Variants in BCAS3 observed in about 807,000 individuals in gnomAD.
BCAS3 encodes BCAS4/BCAS3 fusion.
In BCAS3, 53 loss-of-function variants were observed where a neutral mutation model predicts 116.1. The ratio of observed to expected loss-of-function variants is 0.46; its 90% CI spans 0.37 to 0.57. The LOEUF (loss-of-function observed/expected upper bound fraction) is 0.57. BCAS3 is among the 20% of genes least tolerant of loss of function. The pLI, the probability that BCAS3 is intolerant of heterozygous loss-of-function variation, is 0.00. For synonymous variants in BCAS3, 391 were observed against 408.2 expected (o/e 0.96, Z 0.51); for missense variants, 917 against 1,165.4 (o/e 0.79, Z 3.10).
chr17:60,743,843 C>A (rs542113408), intron 5 of BCAS3, among the ~76,000 whole-genome samples: 1 of 152,104 alleles, frequency 6.6e-6, no homozygotes, highest in Non-Finnish European at 1.5e-5. Flanking sequence ...TGCCTTAGAT[C>A]GAGTTGTGAG....
At chr17:61,086,559 A>T (rs987809865) in intron 22 of BCAS3, 1 of 406,188 alleles carries the variant, frequency 2.5e-6, no homozygotes. Context: ...CTGATATGTA[A>T]GTAGTCCTAA....
intron 22 of BCAS3, among the ~76,000 whole-genome samples, chr17:61,236,096 G>T (rs2083036038): frequency 6.6e-6 from 1 of 152,120 alleles, no homozygotes; most frequent in Admixed American, 6.5e-5. Context: ...TAAAACCAGA[G>T]ATTTTTATCT....
rs1210945388 is a variant in BCAS3 at position 61,251,149 on chromosome 17, A to G, written c.2426-117178A>G. 6.6e-6 allele frequency among the ~76,000 whole-genome samples: 1 copy of G among 152,224 alleles called. No homozygotes were observed. Among genetic ancestry groups the G allele is most frequent in the African/African-American group, 2.4e-5 (1 of 41,456 alleles). Reference sequence around the variant, plus strand: ...TGCAAGAATTGGGCAGTGCTTGCCCAGCTGGAAGGTGAGACATTGGAGGCC... The same window carrying G: ...TGCAAGAATTGGGCAGTGCTTGCCCGGCTGGAAGGTGAGACATTGGAGGCC... On this transcript the variant is annotated intron_variant, in intron 22 of 23. Transcript: ENST00000407086. This position sits in a 1 kb window ranked among gnomAD's most constrained non-coding sequence, Gnocchi z 4.7.
At position 61,019,763 on chromosome 17, in the gene BCAS3, A is replaced by G. The variant is rs534730081; in HGVS notation, c.1637+3862A>G. 2.6e-4 allele frequency among the ~76,000 whole-genome samples: 40 copies of G among 152,128 alleles called. No individual in the cohort carries two copies. Among genetic ancestry groups the G allele is most frequent in the Admixed American group, 1.3e-4 (2 of 15,282 alleles). ...CCATTAATTATTGGCATTAAATTGT[A>G]TTGTATTTGCTGAGAAATCTGATGG... On this transcript the variant is annotated intron_variant, in intron 16 of 23. Coordinates refer to ENST00000407086, the MANE Select transcript of BCAS3 (RefSeq NM_017679.5). The surrounding 1 kb of genome is among the most constrained non-coding windows in gnomAD (Gnocchi z 5.6).
At chr17:60,761,119 T>C (rs2043483942) in intron 6 of BCAS3, among the ~76,000 whole-genome samples, 1 of 152,194 alleles carries the variant, frequency 6.6e-6, no homozygotes, top group African/African-American at 2.4e-5. Context: ...CTGAATTGTT[T>C]TTCTGATTTT....
At chr17:61,218,425 G>T (rs2081928736) in intron 22 of BCAS3, among the ~76,000 whole-genome samples, 1 of 152,208 alleles carries the variant, frequency 6.6e-6, no homozygotes, top group African/African-American at 2.4e-5. Flanking sequence ...CGTACATGCT[G>T]TTGGCATCAG....
intron 10 of BCAS3, among the ~76,000 whole-genome samples, chr17:60,890,393 G>A (rs900086377): frequency 6.6e-6 from 1 of 152,138 alleles, no homozygotes; most frequent in Middle Eastern, 3.2e-3. Context: ...AGTGGAGGTT[G>A]TGGTGAGCTG....
intron 7 of BCAS3, among the ~76,000 whole-genome samples, chr17:60,814,741 TA>T (rs1287687501): frequency 6.6e-6 from 1 of 152,232 alleles, no homozygotes; most frequent in Non-Finnish European, 1.5e-5. Context: ...AATTTTATTT[TA>T]GTATTTTTTT....
At chr17:61,010,250 G>A (rs559641551) in intron 15 of BCAS3, among the ~76,000 whole-genome samples, 7 of 151,722 alleles carry the variant, frequency 4.6e-5, no homozygotes, top group South Asian at 2.1e-4. Context: ...TGTTTTTATA[G>A]TATAGAATGT....
rs181751881 is a variant in BCAS3 at position 61,349,662 on chromosome 17, T to C, written c.2426-18665T>C. ...GTTTCAAAGCTGACTATTAAAGAAG[T>C]GTGGAAGAGGTACCATATGTAGACA... On this transcript the variant is annotated intron_variant, in intron 22 of 23. Coordinates refer to ENST00000407086, the MANE Select transcript of BCAS3 (RefSeq NM_017679.5). This position sits in a 1 kb window ranked among gnomAD's most constrained non-coding sequence, Gnocchi z 4.7. 1.8e-4 allele frequency among the ~76,000 whole-genome samples: 27 copies of C among 152,294 alleles called. No homozygotes were observed. The East Asian group carries it at 4.8e-3, about 27-fold the overall frequency.
intron 22 of BCAS3, among the ~76,000 whole-genome samples, chr17:61,238,309 G>A (rs1378662503): frequency 6.7e-6 from 1 of 149,282 alleles, no homozygotes; most frequent in Non-Finnish European, 1.5e-5. Flanking sequence ...TGCAACCTCC[G>A]CCTTCCAGTT....
rs541667269 is a variant in BCAS3 at position 61,323,006 on chromosome 17, G to A, written c.2426-45321G>A. Among the ~76,000 whole-genome samples the A allele has an allele frequency of 5.1e-4, 78 of 151,932 alleles. No individual in the cohort carries two copies. Among genetic ancestry groups the A allele is most frequent in the African/African-American group, 1.5e-3 (64 of 41,406 alleles). On this transcript the variant is annotated intron_variant, in intron 22 of 23. Transcript: ENST00000407086. The surrounding 1 kb of genome is among the most constrained non-coding windows in gnomAD (Gnocchi z 4.6). ...GGCGCCTTCCTTTTTTTTTAAAGGC[G>A]TGTTGTGGCTATTTTGATGCCTTTT...
intron 22 of BCAS3, among the ~76,000 whole-genome samples, chr17:61,115,967 C>G (rs2075406381): frequency 6.6e-6 from 1 of 151,046 alleles, no homozygotes; most frequent in Non-Finnish European, 1.5e-5. Flanking sequence ...TGGAAATCAT[C>G]ATTCTCAGTA....
chr17:61,258,330 G>C lies in BCAS3; in HGVS notation c.2426-109997G>C, dbSNP rs1055641091. On this transcript the variant is annotated intron_variant, in intron 22 of 23. Transcript: ENST00000407086. This position sits in a 1 kb window ranked among gnomAD's most constrained non-coding sequence, Gnocchi z 4.7. ...CATTGTGGAAAGGGGTTGTTACTTC[G>C]TGCCTTTAGATATCCACCATAATGT... Among the ~76,000 whole-genome samples, 1 of 152,060 alleles carries C rather than the reference G, an allele frequency of 6.6e-6. No homozygotes were observed. Among genetic ancestry groups the C allele is most frequent in the African/African-American group, 2.4e-5 (1 of 41,386 alleles).
At chr17:61,099,030 A>G (rs2074151606) in intron 22 of BCAS3, among the ~76,000 whole-genome samples, 1 of 152,182 alleles carries the variant, frequency 6.6e-6, no homozygotes, top group Non-Finnish European at 1.5e-5. Context: ...AGGCTGAGGC[A>G]GGAGAATGTC....
chr17:61,372,524 C>T (rs183076973), intron 23 of BCAS3, among the ~76,000 whole-genome samples: 16 of 152,314 alleles, frequency 1.1e-4, no homozygotes, highest in East Asian at 9.6e-4. Context: ...CACATGTCTA[C>T]GAACTGAATT....
chr17:60,718,410 TA>T (rs2038880201), intron 5 of BCAS3, among the ~76,000 whole-genome samples: 1 of 152,136 alleles, frequency 6.6e-6, no homozygotes, highest in Non-Finnish European at 1.5e-5. Context: ...TGCATGCATA[TA>T]ATTAACTAGA....
chr17:61,300,539 G>A lies in BCAS3; in HGVS notation c.2426-67788G>A, dbSNP rs1242822663. Among the ~76,000 whole-genome samples the A allele has an allele frequency of 1.3e-5, 2 of 152,094 alleles. No individual in the cohort carries two copies. Among genetic ancestry groups the A allele is most frequent in the African/African-American group, 2.4e-5 (1 of 41,404 alleles). On this transcript the variant is annotated intron_variant, in intron 22 of 23. Transcript: ENST00000407086. This position sits in a 1 kb window ranked among gnomAD's most constrained non-coding sequence, Gnocchi z 5.1. ...TAGAAAAAATGTATGGCATCTTGAC[G>A]CAGTGTTCCTGGCCAAAAAAGAAAA...
At chr17:60,846,074 A>G (rs1481807873) in intron 7 of BCAS3, among the ~76,000 whole-genome samples, 1 of 151,852 alleles carries the variant, frequency 6.6e-6, no homozygotes, top group Admixed American at 6.6e-5. Flanking sequence ...GACCGTAGAC[A>G]TGTACCACCA....
Sources: gnomAD v4.1 joint callset for allele counts (sites outside exome capture counted in the v4.1 genomes callset) on GRCh38, gnomAD v4.1.1 for gene constraint, Gnocchi (gnomAD v3.1) non-coding constraint, MANE v1.5 for transcripts, NCBI Gene and HGNC (gene_info 2026-07-23, HGNC 2026-07-21) for gene names.